The following MADCAM1 variants were observed in gnomAD, a reference collection of about 807,000 sequenced individuals.
The protein encoded by MADCAM1 is mucosal vascular addressin cell adhesion molecule 1.
MADCAM1 carries 19 observed loss-of-function variants against 26.1 expected under a neutral mutation model. That is an observed-to-expected ratio of 0.73 (90% CI 0.51 to 1.07). The LOEUF is 1.07. Among genes scored for constraint, MADCAM1 ranks in the 50% least tolerant of loss-of-function variants. The pLI is 0.00. For missense variants in MADCAM1, 514 were observed against 542.1 expected (o/e 0.95, Z 0.51); for synonymous variants, 268 against 260.9 (o/e 1.03, Z -0.26).
chr19:504,963 T>G lies in MADCAM1; in HGVS notation c.1147T>G (p.Ter383GlyextTer18). 2 of 1,586,762 alleles carry G rather than the reference T, an allele frequency of 1.3e-6. No individual in the cohort carries two copies. Among genetic ancestry groups the G allele is most frequent in the African/African-American group, 2.7e-5 (2 of 74,546 alleles). Residue 383 changes from the stop codon to glycine, a stop_lost, in exon 5 of 5, where the codon TGA (stop) becomes GGA (glycine). Transcript: ENST00000215637. ...GTGQVGISPS[*>G] is the part of the protein sequence containing the mutation. Reference sequence around the variant, plus strand: ...CGGCCAGGTCGGGATCAGCCCCTCCTGAGTGGCCAGCCTTTCCCCCTGTGA... The same window carrying G: ...CGGCCAGGTCGGGATCAGCCCCTCCGGAGTGGCCAGCCTTTCCCCCTGTGA...
At chr19:497,724 G>T (rs1978292109) in intron 1 of MADCAM1, 109 bp from the exon 2 acceptor site, 2 of 910,402 alleles carry the variant, frequency 2.2e-6, no homozygotes, top group Non-Finnish European at 2.8e-6. Context: ...GAGGGTCCGG[G>T]AACCGGGCAG....
chr19:499,118 C>G, intron 3 of MADCAM1: 4 of 629,976 alleles, frequency 6.3e-6, no homozygotes, highest in South Asian at 1.5e-5. Context: ...ACCCTGTCCC[C>G]TTCCTGTCCT....
Position 496,520 on chromosome 19 carries a change from C to T in MADCAM1, c.21C>T (p.Leu7=). 1 of 1,308,370 alleles carries T rather than the reference C, an allele frequency of 7.6e-7. No homozygotes were observed. Among genetic ancestry groups the T allele is most frequent in the Non-Finnish European group, 9.8e-7 (1 of 1,021,590 alleles). 81.0% of individuals were successfully genotyped at this position (1,308,370 alleles called of 1,614,324 possible). A position where few individuals can be genotyped will look rare whatever the true frequency, so the allele number is the denominator to read the frequency against. The change falls in exon 1 of 5, where the codon CTC becomes CTT. Residue 7 remains leucine, a synonymous_variant. Coordinates refer to ENST00000215637, the MANE Select transcript of MADCAM1 (RefSeq NM_130760.3). MDFGLA[L]LLAGLLGLLL... ...TGAGCATGGATTTCGGACTGGCCCT[C>T]CTGCTGGCGGGGCTTCTGGGGCTCC...
At position 502,060 on chromosome 19, in the gene MADCAM1, C is replaced by T. The variant is rs905468105; in HGVS notation, c.928+131C>T. On this transcript the variant is annotated intron_variant, in intron 4 of 4. Coordinates refer to ENST00000215637, the MANE Select transcript of MADCAM1 (RefSeq NM_130760.3). ...CCCGTCTGCCCAGCCTCAGTTTCCC[C>T]GTCTGCCCAGCCTCGGTTTCCCCAT... The T allele has an allele frequency of 1.9e-5, 20 of 1,041,772 alleles. No homozygotes were observed. In the South Asian group the frequency reaches 2.2e-4, roughly 12 times the overall value. 64.5% of individuals were successfully genotyped at this position (1,041,772 alleles called of 1,614,324 possible).
At chr19:497,752 G>T in intron 1 of MADCAM1, 81 bp from the exon 2 acceptor site, 2 of 1,128,060 alleles carry the variant, frequency 1.8e-6, no homozygotes, top group Non-Finnish European at 2.2e-6. Flanking sequence ...GCGGGGTCCG[G>T]GGGTGGAGCG....
chr19:499,978 G>A (rs12982646), intron 3 of MADCAM1: 108,276 of 446,232 alleles, frequency 0.24, 15,053 homozygotes, highest in Admixed American at 0.31. Flanking sequence ...GGGAGACCCG[G>A]GAGGTCTTTG....
intron 1 of MADCAM1, 131 bp downstream of exon 1, chr19:496,682 G>GTT: frequency 4.0e-6 from 1 of 249,612 alleles, no homozygotes; most frequent in Non-Finnish European, 5.6e-6. Context: ...GGGCCCAGGA[G>GTT]AGGGGAGGGG....
Position 498,077 on chromosome 19 carries a change from G to T in MADCAM1, c.297G>T (p.Gly99=). The T allele has an allele frequency of 1.4e-6, 2 of 1,452,704 alleles. No homozygotes were observed. Among genetic ancestry groups the T allele is most frequent in the South Asian group, 2.8e-5 (2 of 71,480 alleles). 90.0% of individuals were successfully genotyped at this position (1,452,704 alleles called of 1,614,324 possible). ...AGTRVCVGSC[G]GRTFQHTVQL... ...CCCGCGTGTGCGTGGGCTCCTGCGG[G>T]GGCCGCACCTTCCAGCACACCGTGC... The change falls in exon 2 of 5, where the codon GGG becomes GGT. Residue 99 remains glycine, a synonymous_variant. Coordinates refer to ENST00000215637, the MANE Select transcript of MADCAM1 (RefSeq NM_130760.3).
At chr19:501,006 C>G (rs143404027) in intron 3 of MADCAM1, among the ~76,000 whole-genome samples, 1 of 151,742 alleles carries the variant, frequency 6.6e-6, no homozygotes, top group Non-Finnish European at 1.5e-5. Context: ...GGGCAACATA[C>G]GAGACCTCCC....
chr19:504,821 C>G lies in MADCAM1; in HGVS notation c.1005C>G (p.Ala335=). The part of the protein sequence containing the change: ...SSAVLGLLLL[A]LPTYHLWKRC... ...CGGTGCTGGGACTGCTGCTCCTGGC[C>G]TTGCCCACCTATCACCTCTGGAAAC... The change falls in exon 5 of 5, where the codon GCC becomes GCG. Residue 335 remains alanine (A), a synonymous_variant. Coordinates refer to ENST00000215637, the MANE Select transcript of MADCAM1 (RefSeq NM_130760.3). 4 of 1,613,096 alleles carry G rather than the reference C, an allele frequency of 2.5e-6. No individual in the cohort carries two copies. The highest frequency in any genetic ancestry group is 3.4e-6 in the Non-Finnish European group (4 of 1,179,994).
In MADCAM1 at chr19:499,917, C is replaced by T. The variant is rs181353866; in HGVS notation, c.667+1092C>T. On this transcript the variant is annotated intron_variant, in intron 3 of 4. Coordinates refer to ENST00000215637, the MANE Select transcript of MADCAM1 (RefSeq NM_130760.3). ...GCACCCTGATACCCATGTTAATGGA[C>T]GTGAGGTCGTGAGTTTCAAGCAAAG... is the stretch of plus-strand genomic sequence containing the variant. 1.2e-4 allele frequency: 54 copies of T among 435,332 alleles called. No homozygotes were observed. In the Admixed American group the frequency reaches 1.3e-3, roughly 10 times the overall value. 27.0% of individuals were successfully genotyped at this position (435,332 alleles called of 1,614,324 possible). A position where few individuals can be genotyped will look rare whatever the true frequency, so the allele number is the denominator to read the frequency against.
At chr19:503,374 G>T (rs1272517429) in intron 4 of MADCAM1, among the ~76,000 whole-genome samples, 1 of 151,406 alleles carries the variant, frequency 6.6e-6, no homozygotes, top group Admixed American at 6.6e-5. Context: ...GAGGTCAGGA[G>T]ATCGAGACCA....
intron 4 of MADCAM1, among the ~76,000 whole-genome samples, chr19:503,311 G>C (rs1292725930): frequency 2.7e-5 from 4 of 149,308 alleles, no homozygotes; most frequent in Non-Finnish European, 5.9e-5. Flanking sequence ...GCCGGGCACG[G>C]TGGCTTATGC....
rs1356684391 is a variant in MADCAM1, at chr19:498,708, A to C, written c.550A>C (p.Arg184=). 3.4e-6 allele frequency: 5 copies of C among 1,457,664 alleles called. No homozygotes were observed. The highest frequency in any genetic ancestry group is 3.0e-5 in the Admixed American group (1 of 33,458). 90.3% of individuals were successfully genotyped at this position (1,457,664 alleles called of 1,614,324 possible). A position where few individuals can be genotyped will look rare whatever the true frequency, so the allele number is the denominator to read the frequency against. Residue 184 remains arginine, a synonymous_variant, in exon 3 of 5, where the codon AGG becomes CGG. Coordinates refer to ENST00000215637, the MANE Select transcript of MADCAM1 (RefSeq NM_130760.3). ...CCAGGGGGACGAGGACGTGCTGTTCAGGGTGACAGAGCGCTGGCGGCTGCC... is the reference window on the plus strand; with the variant it reads ...CCAGGGGGACGAGGACGTGCTGTTCCGGGTGACAGAGCGCTGGCGGCTGCC... The part of the protein sequence containing the change: ...EPQGDEDVLF[R]VTERWRLPPL...
chr19:498,139 T>C, intron 2 of MADCAM1, 22 bp downstream of exon 2: 1 of 1,312,326 alleles, frequency 7.6e-7, no homozygotes, highest in Admixed American at 4.0e-5. Flanking sequence ...CCCCGCGCCC[T>C]GCCTCTCTGA....
chr19:498,171 C>A, intron 2 of MADCAM1, 54 bp downstream of exon 2: 1 of 1,292,054 alleles, frequency 7.7e-7, no homozygotes, highest in Non-Finnish European at 9.8e-7. Context: ...CCGGCTCCTT[C>A]CCTATGCCAC....
intron 3 of MADCAM1, 151 bp from the exon 4 acceptor site, chr19:501,510 AAAAAAAAG>A: frequency 1.1e-5 from 4 of 364,210 alleles, no homozygotes; most frequent in South Asian, 8.4e-5. Context: ...AAAAAAAAAA[AAAAAAAAG>A]AATAAATGGA....
chr19:498,493 C>A lies in MADCAM1; in HGVS notation c.338-3C>A. 1 of 1,463,354 alleles carries A rather than the reference C, an allele frequency of 6.8e-7. No homozygotes were observed. The highest frequency in any genetic ancestry group is 9.0e-7 in the Non-Finnish European group (1 of 1,112,834). The allele number at this position is 1,463,354 out of a possible 1,614,324, so 90.6% of individuals were successfully genotyped here. ...AGCCCTCACCCCCGACCCTCCATCA[C>A]AGCCTTCCCGGACCAGCTGACCGTC... On this transcript the variant is annotated splice_polypyrimidine_tract_variant and splice_region_variant and intron_variant, in intron 2 of 4. Coordinates refer to ENST00000215637, the MANE Select transcript of MADCAM1 (RefSeq NM_130760.3).
chr19:504,735 C>T lies in MADCAM1; in HGVS notation c.929-10C>T, dbSNP rs566426814. 290 of 1,591,182 alleles carry T rather than the reference C, an allele frequency of 1.8e-4. 2 individuals carry two copies. The South Asian group carries it at 3.0e-3, about 17-fold the overall frequency. On this transcript the variant is annotated splice_polypyrimidine_tract_variant and intron_variant, in intron 4 of 4. Transcript: ENST00000215637. ...GGCTCTGACCGGGGTCTCCTGCACT[C>T]TCTCCCCAGCGTCCAAACCTGCGGG...
Sources: gnomAD v4.1 joint callset for allele counts (sites outside exome capture counted in the v4.1 genomes callset) on GRCh38, gnomAD v4.1.1 for gene constraint, MANE v1.5 for transcripts, NCBI Gene and HGNC (gene_info 2026-07-23, HGNC 2026-07-21) for gene names.